PCCA: variants seen among roughly 807,000 people sequenced by gnomAD.
PCCA encodes the protein propionyl-CoA carboxylase alpha chain, mitochondrial.
In PCCA, 74 loss-of-function variants were observed where a neutral mutation model predicts 101.3. That is an observed-to-expected ratio of 0.73 (90% CI 0.61 to 0.89). The LOEUF is 0.89. Ranked by LOEUF, PCCA falls within the 40% of genes least tolerant of loss-of-function variation. PCCA has a pLI of 0.00. For synonymous variants in PCCA, 294 were observed against 313.6 expected (o/e 0.94, Z 0.66); for missense variants, 891 against 907.0 (o/e 0.98, Z 0.23).
chr13:100,156,705 T>G (rs1385695703), intron 5 of PCCA, among the ~76,000 whole-genome samples: 1 of 152,108 alleles, frequency 6.6e-6, no homozygotes, highest in Admixed American at 6.5e-5. Flanking sequence ...ACACCTCCAT[T>G]TTAGTTCAGT....
At chr13:100,271,973 G>A (rs1203840257) in intron 11 of PCCA, among the ~76,000 whole-genome samples, 2 of 152,196 alleles carry the variant, frequency 1.3e-5, no homozygotes, top group Non-Finnish European at 2.9e-5. Context: ...TTTATAGCAT[G>A]TCATCTCAAT....
intron 21 of PCCA, among the ~76,000 whole-genome samples, chr13:100,498,013 A>G (rs2085396115): frequency 6.6e-6 from 1 of 151,852 alleles, no homozygotes; most frequent in African/African-American, 2.4e-5. Context: ...AGGATTACAG[A>G]TATGTGCCAC....
chr13:100,258,443 A>C (rs1165787542), intron 9 of PCCA, among the ~76,000 whole-genome samples: 1 of 152,256 alleles, frequency 6.6e-6, no homozygotes, highest in Non-Finnish European at 1.5e-5. Context: ...GAAGTCGAAT[A>C]CAACTTAATG....
At chr13:100,167,438 T>G (rs1404652239) in intron 6 of PCCA, among the ~76,000 whole-genome samples, 5 of 152,090 alleles carry the variant, frequency 3.3e-5, no homozygotes, top group Admixed American at 2.0e-4. Flanking sequence ...TAGTCCTAGC[T>G]GCTTGGGAGG....
chr13:100,094,556 C>T (rs1299885106), intron 1 of PCCA, among the ~76,000 whole-genome samples: 1 of 152,062 alleles, frequency 6.6e-6, no homozygotes, highest in Non-Finnish European at 1.5e-5. Flanking sequence ...ATTCACAAAA[C>T]CTAATACAGC....
chr13:100,262,694 C>T, intron 9 of PCCA, 35 bp from the exon 10 acceptor site: 3 of 667,488 alleles, frequency 4.5e-6, no homozygotes, highest in Non-Finnish European at 8.2e-6. Context: ...CCCTCCCTCT[C>T]CCCCCCTCCT....
chr13:100,094,481 C>A (rs2046586655), intron 1 of PCCA, among the ~76,000 whole-genome samples: 1 of 152,250 alleles, frequency 6.6e-6, no homozygotes, highest in East Asian at 1.9e-4. Flanking sequence ...CTGATGGGAT[C>A]AACCTAATAA....
chr13:100,152,511 A>G (rs191876553), intron 4 of PCCA, among the ~76,000 whole-genome samples: 2,824 of 152,156 alleles, frequency 0.019, 95 homozygotes, highest in African/African-American at 0.065. Flanking sequence ...CAGTGGCGCA[A>G]TCTCGGCTCA....
At chr13:100,454,024 C>G (rs532594337) in intron 21 of PCCA, among the ~76,000 whole-genome samples, 2 of 152,198 alleles carry the variant, frequency 1.3e-5, no homozygotes, top group East Asian at 1.9e-4. Context: ...GTGCCGGCCA[C>G]TACACCCGGC....
intron 7 of PCCA, among the ~76,000 whole-genome samples, chr13:100,226,443 G>A (rs559856819): frequency 6.6e-6 from 1 of 152,308 alleles, no homozygotes; most frequent in Admixed American, 6.5e-5. Context: ...TGAGAAGGAT[G>A]TCTGAATCAT....
chr13:100,156,632 G>A (rs1223876901), intron 5 of PCCA, among the ~76,000 whole-genome samples: 1 of 152,022 alleles, frequency 6.6e-6, no homozygotes, highest in Non-Finnish European at 1.5e-5. Context: ...TTTGGGGTGA[G>A]GAAGGAAAGA....
chr13:100,126,555 T>A (rs2152313299), intron 4 of PCCA, among the ~76,000 whole-genome samples: 1 of 152,218 alleles, frequency 6.6e-6, no homozygotes, highest in East Asian at 1.9e-4. Context: ...GAAACCTCCT[T>A]TGCTGTAGCG....
intron 8 of PCCA, among the ~76,000 whole-genome samples, chr13:100,239,047 T>G (rs1301751765): frequency 6.6e-6 from 1 of 152,214 alleles, no homozygotes; most frequent in Non-Finnish European, 1.5e-5. Context: ...CTGGAAACAT[T>G]AATCTATGCT....
At chr13:100,148,878 G>A (rs1413866293) in intron 4 of PCCA, among the ~76,000 whole-genome samples, 1 of 152,078 alleles carries the variant, frequency 6.6e-6, no homozygotes, top group African/African-American at 2.4e-5. Flanking sequence ...TGAAAATCAT[G>A]TAAGTTATCT....
intron 19 of PCCA, among the ~76,000 whole-genome samples, chr13:100,402,393 A>C (rs1388990496): frequency 6.6e-6 from 1 of 152,172 alleles, no homozygotes; most frequent in East Asian, 1.9e-4. Flanking sequence ...AGTTTAAAAC[A>C]TAGTTTTTTA....
intron 4 of PCCA, among the ~76,000 whole-genome samples, chr13:100,126,356 T>C (rs1744321372): frequency 6.6e-6 from 1 of 152,172 alleles, no homozygotes; most frequent in South Asian, 2.1e-4. Context: ...AAATATTCTC[T>C]GGCTTGTTTT....
At chr13:100,123,641 A>G (rs1473030191) in intron 4 of PCCA, among the ~76,000 whole-genome samples, 2 of 148,690 alleles carry the variant, frequency 1.3e-5, no homozygotes, top group Non-Finnish European at 3.0e-5. Context: ...ATGGGGGGGG[A>G]TTGACAAAGA....
chr13:100,274,507 C>T (rs777717195), intron 12 of PCCA, among the ~76,000 whole-genome samples: 2 of 152,064 alleles, frequency 1.3e-5, no homozygotes, highest in African/African-American at 2.4e-5. Flanking sequence ...CTTCAGGAGG[C>T]CAGAGTCTAT....
At chr13:100,244,697 G>A (rs887506805) in intron 8 of PCCA, among the ~76,000 whole-genome samples, 1 of 152,112 alleles carries the variant, frequency 6.6e-6, no homozygotes, top group African/African-American at 2.4e-5. Context: ...GATCCCTGGA[G>A]CAGAGTTAGG....
Sources: gnomAD v4.1 joint callset for allele counts (sites outside exome capture counted in the v4.1 genomes callset) on GRCh38, gnomAD v4.1.1 for gene constraint, MANE v1.5 for transcripts, NCBI Gene and HGNC (gene_info 2026-07-23, HGNC 2026-07-21) for gene names.